Variants in RBM43 observed in about 807,000 individuals in gnomAD.
RBM43 encodes RNA-binding protein 43.
Under a neutral mutation model 12.4 loss-of-function variants are expected in RBM43, and 12 were observed. That is an observed-to-expected ratio of 0.97 (90% CI 0.62 to 1.57). The LOEUF is 1.57. RBM43 is among the 40% of genes most tolerant of loss of function. The probability of loss-of-function intolerance (pLI) is 0.00; values close to 1 mark genes in which losing one functional copy is unlikely to be tolerated. For missense variants in RBM43, 348 were observed against 400.1 expected (o/e 0.87, Z 1.11); for synonymous variants, 138 against 145.7 (o/e 0.95, Z 0.38).
At chr2:151,254,597 G>T (rs1682948771) in intron 2 of RBM43, among the ~76,000 whole-genome samples, 1 of 152,122 alleles carries the variant, frequency 6.6e-6, no homozygotes, top group African/African-American at 2.4e-5. Flanking sequence ...AGCCTGGCAT[G>T]GAGACTTGTT....
Position 151,250,638 on chromosome 2 carries a change from G to T in RBM43, c.*268C>A. ...AAAAGTTTGGTGAGTTTTTTTCAAAGTTTTATTCCTTAGATATTATCTGTG... is the reference window on the plus strand; with the variant it reads ...AAAAGTTTGGTGAGTTTTTTTCAAATTTTTATTCCTTAGATATTATCTGTG... On this transcript the variant is annotated 3_prime_UTR_variant, in exon 4 of 4. Transcript: ENST00000331426. 7.6e-6 allele frequency: 2 copies of T among 264,228 alleles called. No homozygotes were observed. The highest frequency in any genetic ancestry group is 5.3e-5 in the Admixed American group (1 of 18,940). 16.4% of individuals were successfully genotyped at this position (264,228 alleles called of 1,614,324 possible). A position where few individuals can be genotyped will look rare whatever the true frequency, so the allele number is the denominator to read the frequency against.
Position 151,250,820 on chromosome 2 carries a change from C to A in RBM43, c.*86G>T. The A allele has an allele frequency of 1.1e-6, 1 of 883,308 alleles. No individual in the cohort carries two copies. The highest frequency in any genetic ancestry group is 1.8e-5 in the South Asian group (1 of 57,076). 54.7% of individuals were successfully genotyped at this position (883,308 alleles called of 1,614,324 possible). Reference sequence around the variant, plus strand: ...GATGACTATAAGGATTCATGAGATACGGTGTGTAAAGCTAGCCTCATTCAT... The same window carrying A: ...GATGACTATAAGGATTCATGAGATAAGGTGTGTAAAGCTAGCCTCATTCAT... On this transcript the variant is annotated 3_prime_UTR_variant, in exon 4 of 4. Transcript: ENST00000331426.
chr2:151,261,383 C>G, intron 1 of RBM43: 2 of 1,550,636 alleles, frequency 1.3e-6, no homozygotes, highest in Non-Finnish European at 1.7e-6. Context: ...AGCAGCTCCT[C>G]GACGAACGGC....
intron 2 of RBM43, among the ~76,000 whole-genome samples, chr2:151,254,124 CA>C (rs1682944343): frequency 6.6e-6 from 1 of 151,714 alleles, no homozygotes; most frequent in Non-Finnish European, 1.5e-5. Context: ...AATAAAGCAC[CA>C]AACATATTAT....
At chr2:151,253,029 T>C (rs1024839725) in intron 2 of RBM43, among the ~76,000 whole-genome samples, 174 bp from the exon 3 acceptor site, 15 of 152,352 alleles carry the variant, frequency 9.8e-5, no homozygotes, top group African/African-American at 3.4e-4. Flanking sequence ...TAAAGTTCAT[T>C]TTATGTGTAA....
At chr2:151,259,452 C>A (rs1683018296) in intron 1 of RBM43, among the ~76,000 whole-genome samples, 1 of 152,046 alleles carries the variant, frequency 6.6e-6, no homozygotes, top group Admixed American at 6.6e-5. Flanking sequence ...TCGAGATCAG[C>A]CTGGCCAACA....
Position 151,251,245 on chromosome 2 carries a change from G to T in RBM43, c.735C>A (p.His245Gln). The change falls in exon 4 of 4, where the codon CAC becomes CAA. Residue 245 changes from histidine (H) to glutamine (Q), a missense_variant. Coordinates refer to ENST00000331426, the MANE Select transcript of RBM43 (RefSeq NM_198557.3). ...CATCCACTTTCTCCTGACTCAGAAT[G>T]TGGAATTTTTTCAGTGTGCTTTCAT... ...GSYESTLKKF[H>Q]ILSQEKVDGE... The T allele has an allele frequency of 6.2e-7, 1 of 1,613,794 alleles. No individual in the cohort carries two copies. Among genetic ancestry groups the T allele is most frequent in the Non-Finnish European group, 8.5e-7 (1 of 1,180,012 alleles).
intron 1 of RBM43, chr2:151,261,247 T>C (rs1683041596): frequency 1.3e-6 from 2 of 1,543,646 alleles, no homozygotes; most frequent in African/African-American, 1.4e-5. Flanking sequence ...ACTTGCGTCC[T>C]TGGCTCGAAT....
In RBM43 at chr2:151,251,181, C is replaced by A; in HGVS notation, c.799G>T (p.Gly267Cys). The A allele has an allele frequency of 6.2e-7, 1 of 1,613,972 alleles. No homozygotes were observed. Among genetic ancestry groups the A allele is most frequent in the Non-Finnish European group, 8.5e-7 (1 of 1,180,016 alleles). ...TTICLKSIQVGSQPNNAKHVK... is the reference protein window; with the variant it reads ...TTICLKSIQVCSQPNNAKHVK... ...TGTTTTGCATTGTTTGGCTGAGAAC[C>A]AACTTGAATGCTTTTTAGACAAATT... Residue 267 changes from glycine (G) to cysteine (C), a missense_variant, in exon 4 of 4, where the codon GGT (glycine) becomes TGT (cysteine). By Grantham distance (159) the Gly-to-Cys change is radical (BLOSUM62 -3). Transcript: ENST00000331426.
chr2:151,260,203 G>A (rs1683029475), intron 1 of RBM43, among the ~76,000 whole-genome samples: 1 of 151,248 alleles, frequency 6.6e-6, no homozygotes, highest in African/African-American at 2.4e-5. Flanking sequence ...TTGGCTCCCT[G>A]CAACCTCCGC....
At chr2:151,252,677 T>G (rs1001371279) in intron 3 of RBM43, 78 bp downstream of exon 3, 1 of 769,742 alleles carries the variant, frequency 1.3e-6, no homozygotes, top group African/African-American at 1.7e-5. Flanking sequence ...GAGCACTTTG[T>G]GTCGCCTGCC....
intron 2 of RBM43, among the ~76,000 whole-genome samples, chr2:151,253,410 G>A (rs1682931257): frequency 6.6e-6 from 1 of 152,158 alleles, no homozygotes; most frequent in South Asian, 2.1e-4. Flanking sequence ...CCTTCTGCCT[G>A]TAGAACTCTC....
At position 151,250,746 on chromosome 2, in the gene RBM43, C is replaced by A; in HGVS notation, c.*160G>T. On this transcript the variant is annotated 3_prime_UTR_variant, in exon 4 of 4. Coordinates refer to ENST00000331426, the MANE Select transcript of RBM43 (RefSeq NM_198557.3). The stretch of plus-strand genomic sequence containing the variant: ...GAAAAGTGTTTTAACTTCTCCAAAT[C>A]CTAGTTTCTTCCGCTGTAACATGAG... 1.8e-6 allele frequency: 1 copy of A among 548,966 alleles called. No individual in the cohort carries two copies. Among genetic ancestry groups the A allele is most frequent in the Non-Finnish European group, 3.1e-6 (1 of 320,280 alleles). 34.0% of individuals were successfully genotyped at this position (548,966 alleles called of 1,614,324 possible).
chr2:151,251,928 AAC>A (rs1682908548), intron 3 of RBM43, among the ~76,000 whole-genome samples: 1 of 152,126 alleles, frequency 6.6e-6, no homozygotes, highest in Non-Finnish European at 1.5e-5. Context: ...TCTTTTTTGA[AAC>A]AGTTTTATGC....
At chr2:151,253,866 C>A (rs1341049897) in intron 2 of RBM43, among the ~76,000 whole-genome samples, 2 of 152,098 alleles carry the variant, frequency 1.3e-5, no homozygotes, top group East Asian at 1.9e-4. Context: ...AGCATGCTCC[C>A]CACTCACAAA....
At chr2:151,251,875 T>C (rs763087268) in intron 3 of RBM43, among the ~76,000 whole-genome samples, 22 of 152,202 alleles carry the variant, frequency 1.4e-4, no homozygotes, top group Non-Finnish European at 2.8e-4. Context: ...CCTCACCACA[T>C]ACCCCAAAAC....
chr2:151,256,815 CTAAA>C (rs1043936886), intron 1 of RBM43, among the ~76,000 whole-genome samples: 11 of 152,068 alleles, frequency 7.2e-5, no homozygotes, highest in Admixed American at 2.0e-4. Flanking sequence ...GACTCTGTTT[CTAAA>C]TAAATAAATA....
rs895302756 is a variant in RBM43 at position 151,250,088 on chromosome 2, T to C, written c.*818A>G. On this transcript the variant is annotated 3_prime_UTR_variant, in exon 4 of 4. Transcript: ENST00000331426. ...ACAATAGAATTTAGTCAAATAATGA[T>C]TACCTGCATAAGATATGCTTTCCAT... is the stretch of plus-strand genomic sequence containing the variant. 4 of 152,204 alleles carry C rather than the reference T, an allele frequency of 2.6e-5. No homozygotes were observed. Among genetic ancestry groups the C allele is most frequent in the Admixed American group, 1.3e-4 (2 of 15,274 alleles). 9.4% of individuals were successfully genotyped at this position (152,204 alleles called of 1,614,324 possible).
chr2:151,259,345 C>T (rs533803939), intron 1 of RBM43, among the ~76,000 whole-genome samples: 21 of 152,082 alleles, frequency 1.4e-4, no homozygotes, highest in Non-Finnish European at 2.4e-4. Flanking sequence ...TTAGACCAAA[C>T]CTGCTAAGTC....
Sources: gnomAD v4.1 joint callset for allele counts (sites outside exome capture counted in the v4.1 genomes callset) on GRCh38, gnomAD v4.1.1 for gene constraint, MANE v1.5 for transcripts, NCBI Gene and HGNC (gene_info 2026-07-23, HGNC 2026-07-21) for gene names.